ZC3H13: variants seen among roughly 807,000 people sequenced by gnomAD.
ZC3H13 encodes zinc finger CCCH-type containing 13, also known as zinc finger CCCH domain-containing protein 13.
A neutral mutation model predicts 204.1 loss-of-function variants in ZC3H13; 64 were observed. The observed-to-expected ratio is 0.31, with a 90% CI of 0.26 to 0.39. The LOEUF (loss-of-function observed/expected upper bound fraction) is 0.39, where lower values mean the gene tolerates loss of function less well. Among genes scored for constraint, ZC3H13 ranks in the 10% least tolerant of loss-of-function variants. The pLI is 1.00. For missense variants in ZC3H13, 1,833 were observed against 2,082.7 expected (o/e 0.88, Z 2.33); for synonymous variants, 667 against 693.7 (o/e 0.96, Z 0.60).
chr13:45,972,227 T>C (rs1952645493), intron 12 of ZC3H13, among the ~76,000 whole-genome samples: 1 of 150,802 alleles, frequency 6.6e-6, no homozygotes, highest in African/African-American at 2.4e-5. Context: ...AATTCACAAC[T>C]GTAAAGATAT....
At chr13:45,987,267 A>T (rs1478104475) in intron 9 of ZC3H13, among the ~76,000 whole-genome samples, 1 of 152,222 alleles carries the variant, frequency 6.6e-6, no homozygotes, top group Non-Finnish European at 1.5e-5. Flanking sequence ...CTTACAAAGA[A>T]CTTAAAACGC....
rs143887288 is a variant in ZC3H13 at position 46,003,205 on chromosome 13, T to C, written c.878A>G (p.Lys293Arg). ...TCCTCTGTCCTTTCCATCTCTTGTTTTTTCTTCTATCCTGTCTTTTACTTT... is the reference window on the plus strand; with the variant it reads ...TCCTCTGTCCTTTCCATCTCTTGTTCTTTCTTCTATCCTGTCTTTTACTTT... ...KYKVKDRIEE[K>R]TRDGKDRGRD... Residue 293 changes from lysine to arginine, a missense_variant, in exon 8 of 19, where the codon AAA (lysine) becomes AGA (arginine). Lys to Arg is a conservative substitution (Grantham distance 26, BLOSUM62 2). Transcript: ENST00000679008. The C allele has an allele frequency of 4.3e-6, 7 of 1,613,112 alleles. No homozygotes were observed. In the African/African-American group the frequency reaches 9.4e-5, roughly 22 times the overall value.
intron 8 of ZC3H13, among the ~76,000 whole-genome samples, chr13:45,997,323 G>A (rs188185225): frequency 1.3e-5 from 2 of 152,316 alleles, no homozygotes; most frequent in Admixed American, 1.3e-4. Flanking sequence ...GACAGTTTGG[G>A]AGGAAAGTAC....
At chr13:45,958,567 G>A (rs935113987) in intron 18 of ZC3H13, among the ~76,000 whole-genome samples, 4 of 151,542 alleles carry the variant, frequency 2.6e-5, no homozygotes, top group Non-Finnish European at 4.4e-5. Flanking sequence ...GGGTCATGTC[G>A]ATGCTCAAAA....
chr13:45,975,999 C>A (rs1041630828), intron 11 of ZC3H13, among the ~76,000 whole-genome samples, 161 bp from the exon 12 acceptor site: 1 of 152,096 alleles, frequency 6.6e-6, no homozygotes, highest in Non-Finnish European at 1.5e-5. Context: ...AAGTAACAAT[C>A]GCCCCTAGAC....
At chr13:46,010,767 C>G (rs2041501220) in intron 6 of ZC3H13, among the ~76,000 whole-genome samples, 1 of 151,070 alleles carries the variant, frequency 6.6e-6, no homozygotes. Context: ...TGGAAGGTGC[C>G]TATGGTCTCA....
At chr13:46,050,401 C>T (rs1174832185) in intron 1 of ZC3H13, among the ~76,000 whole-genome samples, 1 of 152,100 alleles carries the variant, frequency 6.6e-6, no homozygotes, top group African/African-American at 2.4e-5. Context: ...AATTAATTAT[C>T]TTTTCCAGGT....
At chr13:46,024,636 T>C (rs1429471229) in intron 4 of ZC3H13, among the ~76,000 whole-genome samples, 1 of 152,154 alleles carries the variant, frequency 6.6e-6, no homozygotes, top group Non-Finnish European at 1.5e-5. Context: ...CTATCTCTCA[T>C]GTACTGCACA....
In ZC3H13 at chr13:45,967,708, T is replaced by C; in HGVS notation, c.4117A>G (p.Arg1373Gly). The change falls in exon 15 of 19, where the codon AGA becomes GGA. Residue 1373 changes from arginine to glycine, a missense_variant. By Grantham distance (125) the Arg-to-Gly change is moderately radical. Transcript: ENST00000679008. ...CTCTCAAAAGTTCTGTCTCTGTCTCTGTCCCTGTCCCTTTCAACAGAATCA... is the reference window on the plus strand; with the variant it reads ...CTCTCAAAAGTTCTGTCTCTGTCTCCGTCCCTGTCCCTTTCAACAGAATCA... Reference protein sequence around the residue: ...ISDSVERDRDRDRDRTFESSQ... With the variant: ...ISDSVERDRDGDRDRTFESSQ... 2 of 1,613,504 alleles carry C rather than the reference T, an allele frequency of 1.2e-6. No individual in the cohort carries two copies. Among genetic ancestry groups the C allele is most frequent in the Non-Finnish European group, 1.7e-6 (2 of 1,179,984 alleles).
intron 1 of ZC3H13, 98 bp downstream of exon 1, chr13:46,052,306 G>A (rs976375112): frequency 1.1e-5 from 4 of 380,910 alleles, no homozygotes; most frequent in Admixed American, 9.2e-5. Context: ...AAATCCCAGT[G>A]ACTCAAGCAA....
chr13:46,020,430 C>T lies in ZC3H13; in HGVS notation c.448+19G>A. On this transcript the variant is annotated intron_variant, in intron 5 of 18. Coordinates refer to ENST00000679008, the MANE Select transcript of ZC3H13 (RefSeq NM_001330564.2). ...AATAATCAAGAATTCGCCATTTAAA[C>T]CAAGATTCTGAAACTCACCATCTCT... 6.3e-7 allele frequency: 1 copy of T among 1,585,566 alleles called. No individual in the cohort carries two copies. Among genetic ancestry groups the T allele is most frequent in the Non-Finnish European group, 8.6e-7 (1 of 1,158,982 alleles).
At chr13:45,959,287 C>T (rs1045754010) in intron 18 of ZC3H13, among the ~76,000 whole-genome samples, 196 bp downstream of exon 18, 1 of 152,018 alleles carries the variant, frequency 6.6e-6, no homozygotes, top group Admixed American at 6.5e-5. Context: ...TTTATTAAAA[C>T]AAAATTCATT....
intron 15 of ZC3H13, 90 bp from the exon 16 acceptor site, chr13:45,965,522 T>C (rs921109287): frequency 2.5e-6 from 3 of 1,223,502 alleles, no homozygotes; most frequent in South Asian, 2.2e-5. Flanking sequence ...ACACACATTA[T>C]AACAATGTGA....
intron 4 of ZC3H13, among the ~76,000 whole-genome samples, chr13:46,036,257 C>A (rs1241155501): frequency 2.0e-5 from 3 of 151,848 alleles, no homozygotes; most frequent in African/African-American, 7.3e-5. Flanking sequence ...CTAGGAGGTA[C>A]AATTTCCAGA....
intron 16 of ZC3H13, among the ~76,000 whole-genome samples, chr13:45,965,044 C>G (rs1047890713): frequency 8.5e-5 from 13 of 152,052 alleles, no homozygotes; most frequent in Non-Finnish European, 1.3e-4. Context: ...GGAAAATAAA[C>G]TTTAGAATTT....
Position 45,967,985 on chromosome 13 carries a change from T to C in ZC3H13, c.3840A>G (p.Pro1280=), listed in dbSNP as rs1328038375. The change falls in exon 15 of 19, where the codon CCA becomes CCG. Residue 1280 remains proline (P), a synonymous_variant. Transcript: ENST00000679008. ...TTGAATGGACCTGTCGATCTGACTC[T>C]GGAGAACTTCTTCTTGAACTATGGC... is the stretch of plus-strand genomic sequence containing the variant. ...SRSHSSRRSS[P]ESDRQVHSRS... The C allele has an allele frequency of 6.2e-7, 1 of 1,611,544 alleles. No individual in the cohort carries two copies. The highest frequency in any genetic ancestry group is 1.1e-5 in the South Asian group (1 of 90,560).
At chr13:45,961,492 A>G (rs1460772287) in intron 17 of ZC3H13, among the ~76,000 whole-genome samples, 1 of 148,306 alleles carries the variant, frequency 6.7e-6, no homozygotes, top group Non-Finnish European at 1.5e-5. Flanking sequence ...GCTCAAAAGA[A>G]CTTAACCAAC....
chr13:45,954,975 A>G lies in ZC3H13; in HGVS notation c.*2152T>C, dbSNP rs547514459. 20 of 152,300 alleles carry G rather than the reference A, an allele frequency of 1.3e-4. No individual in the cohort carries two copies. Among genetic ancestry groups the G allele is most frequent in the African/African-American group, 4.6e-4 (19 of 41,560 alleles). The allele number at this position is 152,300 out of a possible 1,614,324, so 9.4% of individuals were successfully genotyped here. A position where few individuals can be genotyped will look rare whatever the true frequency, so the allele number is the denominator to read the frequency against. ...TAGCTGCCAAAATAATCAAAAGGCT[A>G]ATTATGTGTTAACTCTCATTTATTT... On this transcript the variant is annotated 3_prime_UTR_variant, in exon 19 of 19. Coordinates refer to ENST00000679008, the MANE Select transcript of ZC3H13 (RefSeq NM_001330564.2).
chr13:45,990,153 T>A (rs941178839), intron 8 of ZC3H13, among the ~76,000 whole-genome samples: 1 of 152,052 alleles, frequency 6.6e-6, no homozygotes, highest in Non-Finnish European at 1.5e-5. Flanking sequence ...TTGTACATTA[T>A]ATATAGGATG....
Sources: gnomAD v4.1 joint callset for allele counts (sites outside exome capture counted in the v4.1 genomes callset) on GRCh38, gnomAD v4.1.1 for gene constraint, MANE v1.5 for transcripts, NCBI Gene and HGNC (gene_info 2026-07-23, HGNC 2026-07-21) for gene names.